Variants in ZDHHC14 observed in about 807,000 individuals in gnomAD.
The protein encoded by ZDHHC14 is palmitoyltransferase ZDHHC14.
In ZDHHC14, 16 loss-of-function variants were observed where a neutral mutation model predicts 47.7. The observed-to-expected ratio is 0.34, with a 90% confidence interval of 0.23 to 0.51. ZDHHC14 has a LOEUF of 0.51. ZDHHC14 is among the 20% of genes least tolerant of loss of function. The probability of loss-of-function intolerance (pLI) is 0.97; values close to 1 mark genes in which losing one functional copy is unlikely to be tolerated. For missense variants in ZDHHC14, 515 were observed against 662.5 expected (o/e 0.78, Z 2.44); for synonymous variants, 293 against 278.9 (o/e 1.05, Z -0.50).
At chr6:157,656,102 C>T (rs1365303107) in intron 8 of ZDHHC14, among the ~76,000 whole-genome samples, 1 of 152,194 alleles carries the variant, frequency 6.6e-6, no homozygotes, top group African/African-American at 2.4e-5. Context: ...TCAGATTCCC[C>T]TCTGGAGTCC....
intron 8 of ZDHHC14, among the ~76,000 whole-genome samples, chr6:157,667,623 A>AG (rs1021541053): frequency 2.0e-5 from 3 of 151,996 alleles, no homozygotes; most frequent in African/African-American, 7.3e-5. Context: ...GGTTTAAAAA[A>AG]AAAAAAAGGG....
At chr6:157,558,218 C>G (rs941695120) in intron 2 of ZDHHC14, among the ~76,000 whole-genome samples, 19 of 152,300 alleles carry the variant, frequency 1.2e-4, no homozygotes, top group African/African-American at 4.3e-4. Context: ...GCACCTTGGA[C>G]AGCATAGATC....
At chr6:157,534,023 G>A (rs1490595378) in intron 1 of ZDHHC14, among the ~76,000 whole-genome samples, 3 of 152,156 alleles carry the variant, frequency 2.0e-5, no homozygotes, top group Non-Finnish European at 4.4e-5. Context: ...CTTAAAATGT[G>A]GGGTACCTTA....
At chr6:157,602,760 G>A (rs1215795798) in intron 3 of ZDHHC14, among the ~76,000 whole-genome samples, 1 of 152,180 alleles carries the variant, frequency 6.6e-6, no homozygotes, top group Non-Finnish European at 1.5e-5. Flanking sequence ...CCCGCCATGA[G>A]GATGCTTCCT....
intron 1 of ZDHHC14, among the ~76,000 whole-genome samples, chr6:157,386,784 A>C (rs968860902): frequency 6.6e-6 from 1 of 152,232 alleles, no homozygotes; most frequent in African/African-American, 2.4e-5. Context: ...TCACATTCCC[A>C]GAAGTAGAAT....
chr6:157,666,726 T>C (rs1297752905), intron 8 of ZDHHC14, among the ~76,000 whole-genome samples: 1 of 152,264 alleles, frequency 6.6e-6, no homozygotes, highest in Non-Finnish European at 1.5e-5. Flanking sequence ...CACTCGGTTT[T>C]TTCAGACAAG....
intron 5 of ZDHHC14, among the ~76,000 whole-genome samples, chr6:157,636,199 A>AACACAC (rs200065831): frequency 0.025 from 3,793 of 150,700 alleles, 112 homozygotes; most frequent in African/African-American, 0.077. Context: ...GATGGATTTA[A>AACACAC]ACACACACAC....
At chr6:157,446,302 C>A (rs1778666488) in intron 1 of ZDHHC14, among the ~76,000 whole-genome samples, 1 of 152,170 alleles carries the variant, frequency 6.6e-6, no homozygotes, top group Non-Finnish European at 1.5e-5. Context: ...CTCCACATAG[C>A]CACATGCAAT....
intron 1 of ZDHHC14, among the ~76,000 whole-genome samples, chr6:157,440,883 A>G (rs1337102961): frequency 6.6e-6 from 1 of 152,246 alleles, no homozygotes; most frequent in Admixed American, 6.5e-5. Flanking sequence ...TTTTGGAATT[A>G]GGGAGAGTTG....
At chr6:157,448,457 A>G (rs1456792690) in intron 1 of ZDHHC14, among the ~76,000 whole-genome samples, 40 of 152,234 alleles carry the variant, frequency 2.6e-4, no homozygotes, top group Admixed American at 2.6e-3. Context: ...CATCTCAACA[A>G]TTAATATTTT....
At chr6:157,665,296 G>A (rs1778506311) in intron 8 of ZDHHC14, among the ~76,000 whole-genome samples, 1 of 152,194 alleles carries the variant, frequency 6.6e-6, no homozygotes, top group Admixed American at 6.5e-5. Flanking sequence ...GTTGCCATAT[G>A]TTCCAGACAT....
intron 3 of ZDHHC14, among the ~76,000 whole-genome samples, chr6:157,609,577 C>G (rs1341008857): frequency 1.3e-5 from 2 of 152,200 alleles, no homozygotes; most frequent in African/African-American, 4.8e-5. Flanking sequence ...AGGTAGGTTG[C>G]TCGAGGGTCT....
chr6:157,650,007 CTGGCTCTGTGCCAGG>C, intron 7 of ZDHHC14, among the ~76,000 whole-genome samples: 1 of 150,940 alleles, frequency 6.6e-6, no homozygotes, highest in African/African-American at 2.4e-5. Context: ...GGGAGAGGGG[CTGGCTCTGTGCCAGG>C]CGCTGGGGGT....
At chr6:157,575,148 T>C (rs1783260273) in intron 2 of ZDHHC14, among the ~76,000 whole-genome samples, 1 of 152,146 alleles carries the variant, frequency 6.6e-6, no homozygotes. Flanking sequence ...TACCGTGAAG[T>C]CTTGAGAATT....
chr6:157,386,851 A>G (rs1777321303), intron 1 of ZDHHC14, among the ~76,000 whole-genome samples: 1 of 152,234 alleles, frequency 6.6e-6, no homozygotes, highest in African/African-American at 2.4e-5. Flanking sequence ...ATGCACACAT[A>G]CAGCCTGCTT....
At chr6:157,577,547 G>GTTTGT (rs898527179) in intron 2 of ZDHHC14, among the ~76,000 whole-genome samples, 7 of 151,972 alleles carry the variant, frequency 4.6e-5, no homozygotes, top group African/African-American at 9.7e-5. Flanking sequence ...TTTTTTGTTT[G>GTTTGT]TTTGTTTTGT....
intron 1 of ZDHHC14, among the ~76,000 whole-genome samples, chr6:157,435,407 A>C (rs182568865): frequency 6.6e-6 from 1 of 152,364 alleles, no homozygotes; most frequent in East Asian, 1.9e-4. Context: ...TATCGATGAC[A>C]TTGGGATGAA....
chr6:157,673,867 A>G lies in ZDHHC14; in HGVS notation c.*745A>G, dbSNP rs937302710. 6.6e-6 allele frequency: 1 copy of G among 152,052 alleles called. No individual in the cohort carries two copies. Among genetic ancestry groups the G allele is most frequent in the Non-Finnish European group, 1.5e-5 (1 of 67,936 alleles). 9.4% of individuals were successfully genotyped at this position (152,052 alleles called of 1,614,324 possible). ...TCGTGTTGAGATATTGTGTGCCACA[A>G]CCCCCACAGTCTTCACCTCCGTGTG... On this transcript the variant is annotated 3_prime_UTR_variant, in exon 9 of 9. Transcript: ENST00000359775. The surrounding 1 kb of genome is among the most constrained non-coding windows in gnomAD (Gnocchi z 5.4).
At chr6:157,630,974 CCACACTCACA>C (rs1785695443) in intron 4 of ZDHHC14, 1 of 124,098 alleles carries the variant, frequency 8.1e-6, no homozygotes, top group Non-Finnish European at 1.7e-5. Context: ...ACACCCTTAC[CCACACTCACA>C]CACACCCTTA....
Sources: gnomAD v4.1 joint callset for allele counts (sites outside exome capture counted in the v4.1 genomes callset) on GRCh38, gnomAD v4.1.1 for gene constraint, Gnocchi (gnomAD v3.1) non-coding constraint, MANE v1.5 for transcripts, NCBI Gene and HGNC (gene_info 2026-07-23, HGNC 2026-07-21) for gene names.